AHCY: variants seen among roughly 807,000 people sequenced by gnomAD.
AHCY encodes S-adenosyl-L-homocysteine hydrolase.
In AHCY, 24 loss-of-function variants were observed where a neutral mutation model predicts 45.4. The observed-to-expected ratio is 0.53, with a 90% CI of 0.38 to 0.74. The LOEUF (loss-of-function observed/expected upper bound fraction) is 0.74, where lower values mean the gene tolerates loss of function less well. Ranked by LOEUF, AHCY falls within the 30% of genes least tolerant of loss-of-function variation. AHCY has a pLI of 0.00. For missense variants in AHCY, 449 were observed against 594.1 expected, an observed-to-expected ratio of 0.76 and a Z score of 2.54; for synonymous variants, 245 against 235.1, an observed-to-expected ratio of 1.04 and a Z score of -0.39.
the AHCY span, among the ~76,000 whole-genome samples, chr20:34,265,175 G>A: frequency 6.6e-6 from 1 of 152,076 alleles, no homozygotes; most frequent in Non-Finnish European, 1.5e-5. Flanking sequence ...TTATCAGTAA[G>A]GCTTCCTTCT....
At chr20:34,245,793 A>C in the AHCY span, among the ~76,000 whole-genome samples, 1 of 152,092 alleles carries the variant, frequency 6.6e-6, no homozygotes, top group South Asian at 2.1e-4. Context: ...ACCTTGTACA[A>C]AACAGTGAAA....
upstream of AHCY, chr20:34,303,397 C>T (rs2036851222): frequency 6.0e-6 from 8 of 1,341,160 alleles, no homozygotes; most frequent in Admixed American, 6.0e-5. Flanking sequence ...CTTCCTCGCA[C>T]TTGCATATTC....
intron 2 of AHCY, among the ~76,000 whole-genome samples, chr20:34,295,002 A>G (rs1040601999): frequency 2.0e-5 from 3 of 152,184 alleles, no homozygotes; most frequent in Non-Finnish European, 4.4e-5. Flanking sequence ...ATTGGCACAC[A>G]TGACCCAGGC....
the AHCY span, chr20:34,241,369 T>C: frequency 5.0e-6 from 4 of 794,370 alleles, no homozygotes; most frequent in East Asian, 2.5e-4. Flanking sequence ...AATAATTTTG[T>C]AGTATGATTG....
the AHCY span, chr20:34,269,192 A>C: frequency 6.8e-7 from 1 of 1,476,414 alleles, no homozygotes; most frequent in Non-Finnish European, 9.0e-7. Context: ...GGCCGCGAGC[A>C]GGCAGGGCTT....
the AHCY span, among the ~76,000 whole-genome samples, chr20:34,236,458 C>A: frequency 1.3e-5 from 2 of 151,970 alleles, no homozygotes; most frequent in Non-Finnish European, 2.9e-5. Context: ...GCAGAAGAAT[C>A]GCTTGAATCC....
the AHCY span, among the ~76,000 whole-genome samples, chr20:34,256,207 T>C: frequency 6.6e-6 from 1 of 152,224 alleles, no homozygotes; most frequent in Non-Finnish European, 1.5e-5. Flanking sequence ...GACACGTGAC[T>C]TGTGTAACCT....
At chr20:34,235,929 A>AGGAAGGAAG in the AHCY span, among the ~76,000 whole-genome samples, 1 of 85,304 alleles carries the variant, frequency 1.2e-5, no homozygotes, top group Non-Finnish European at 1.9e-5. Flanking sequence ...GAAGGAAGGA[A>AGGAAGGAAG]GCGGGAGGGA....
chr20:34,299,147 G>A (rs868583945), intron 1 of AHCY, among the ~76,000 whole-genome samples: 6 of 151,884 alleles, frequency 4.0e-5, no homozygotes, highest in South Asian at 4.1e-4. Flanking sequence ...ACACTCTCTC[G>A]TCGCCGCACA....
At chr20:34,253,139 G>T in the AHCY span, among the ~76,000 whole-genome samples, 2 of 148,764 alleles carry the variant, frequency 1.3e-5, no homozygotes, top group African/African-American at 5.0e-5. Context: ...ACGAAGTCTC[G>T]CTCTGTTGCC....
the AHCY span, among the ~76,000 whole-genome samples, chr20:34,272,666 C>T: frequency 6.6e-6 from 1 of 152,080 alleles, no homozygotes; most frequent in Non-Finnish European, 1.5e-5. Flanking sequence ...GTGGGAGGAT[C>T]GTTTAAGTCC....
chr20:34,275,506 A>G (rs1253909157), downstream of AHCY, among the ~76,000 whole-genome samples: 2 of 152,034 alleles, frequency 1.3e-5, no homozygotes, highest in African/African-American at 4.8e-5. Context: ...CGAGACTCAG[A>G]ATTGTCAGAC....
Position 34,289,627 on chromosome 20 carries a change from G to A in AHCY, c.972+705C>T, listed in dbSNP as rs1036948928. Among the ~76,000 whole-genome samples the A allele has an allele frequency of 1.2e-4, 18 of 150,866 alleles. No homozygotes were observed. In the East Asian group the frequency reaches 3.1e-3, roughly 26 times the overall value. On this transcript the variant is annotated intron_variant, in intron 8 of 9. Coordinates refer to ENST00000217426, the MANE Select transcript of AHCY (RefSeq NM_000687.4). Reference sequence around the variant, plus strand: ...CAAATAGCTGGGATTACAGGTGCCCGCCACCACACCCGGCTAATTTTTCTA... The same window carrying A: ...CAAATAGCTGGGATTACAGGTGCCCACCACCACACCCGGCTAATTTTTCTA...
chr20:34,252,424 T>G, the AHCY span, among the ~76,000 whole-genome samples: 4 of 152,230 alleles, frequency 2.6e-5, no homozygotes, highest in Non-Finnish European at 4.4e-5. Context: ...TGCCTGGATG[T>G]GCACGTAGGC....
the AHCY span, among the ~76,000 whole-genome samples, chr20:34,238,174 T>C: frequency 2.0e-5 from 3 of 152,224 alleles, no homozygotes; most frequent in African/African-American, 4.8e-5. Context: ...CTTGGATGTT[T>C]ATATTCATAT....
At chr20:34,257,066 TTCTC>T in the AHCY span, among the ~76,000 whole-genome samples, 2,390 of 93,504 alleles carry the variant, frequency 0.026, 17 homozygotes, top group South Asian at 0.045. Flanking sequence ...CTCTCTTTCT[TTCTC>T]TTTTTTTTTT....
chr20:34,258,802 T>C, the AHCY span, among the ~76,000 whole-genome samples: 1 of 118,772 alleles, frequency 8.4e-6, no homozygotes, highest in Non-Finnish European at 1.7e-5. Flanking sequence ...GTATATATAA[T>C]ATATGATATA....
chr20:34,250,085 G>A, the AHCY span: 1 of 152,286 alleles, frequency 6.6e-6, no homozygotes, highest in Non-Finnish European at 1.5e-5. Flanking sequence ...GTCCTTCACA[G>A]GGATGAGCTT....
intron 9 of AHCY, among the ~76,000 whole-genome samples, chr20:34,284,640 G>A (rs971739415): frequency 6.6e-6 from 1 of 152,038 alleles, no homozygotes; most frequent in East Asian, 1.9e-4. Context: ...GGCCAATATG[G>A]CAAAACCCCG....
Sources: allele counts gnomAD v4.1 joint callset (sites outside exome capture counted in the v4.1 genomes callset), GRCh38; gene constraint gnomAD v4.1.1; transcripts MANE v1.5; gene names NCBI Gene and HGNC (gene_info 2026-07-23, HGNC 2026-07-21).